GPR55: variants seen among roughly 807,000 people sequenced by gnomAD.
The protein encoded by GPR55 is G protein-coupled receptor 55, also known as G-protein coupled receptor 55.
A neutral mutation model predicts 7.9 loss-of-function variants in GPR55; 6 were observed. The observed-to-expected ratio is 0.76, with a 90% CI of 0.41 to 1.49. GPR55 has a LOEUF of 1.49. Ranked by LOEUF, GPR55 falls within the 40% of genes most tolerant of loss-of-function variation. The pLI, the probability that GPR55 is intolerant of heterozygous loss-of-function variation, is 0.01. For synonymous variants in GPR55, 183 were observed against 166.8 expected (o/e 1.10, Z -0.75); for missense variants, 376 against 406.0 (o/e 0.93, Z 0.63).
At chr2:230,939,134 G>A (rs1356387365) in intron 1 of GPR55, among the ~76,000 whole-genome samples, 1 of 152,218 alleles carries the variant, frequency 6.6e-6, no homozygotes, top group Non-Finnish European at 1.5e-5. Context: ...CAGCCCTGGG[G>A]CCTAGGCTGA....
chr2:230,941,750 C>T (rs757297784), intron 1 of GPR55, among the ~76,000 whole-genome samples: 3 of 152,350 alleles, frequency 2.0e-5, no homozygotes, highest in East Asian at 1.9e-4. Context: ...CAGCTCAACT[C>T]GGGGTCCCCT....
upstream of GPR55, among the ~76,000 whole-genome samples, chr2:230,926,986 C>T (rs796596811): frequency 1.6e-4 from 24 of 152,250 alleles, no homozygotes; most frequent in Middle Eastern, 3.4e-3. Flanking sequence ...CCACCGCTCC[C>T]GGCCCTGGCT....
At chr2:230,915,568 G>A (rs987769627) in intron 1 of GPR55, among the ~76,000 whole-genome samples, 1 of 152,146 alleles carries the variant, frequency 6.6e-6, no homozygotes, top group Non-Finnish European at 1.5e-5. Context: ...GAGAGGTGGG[G>A]CTGAATTGAA....
chr2:230,957,562 G>T (rs919341407), intron 1 of GPR55: 2 of 394,348 alleles, frequency 5.1e-6, no homozygotes, highest in Non-Finnish European at 1.0e-5. Flanking sequence ...CGCCGGCGGT[G>T]CTGGGCGGGT....
intron 1 of GPR55, among the ~76,000 whole-genome samples, chr2:230,955,705 G>T (rs967443155): frequency 4.1e-5 from 5 of 122,066 alleles, no homozygotes; most frequent in Non-Finnish European, 8.0e-5. Flanking sequence ...GATTATGCCA[G>T]TGTCTTTTTG....
At chr2:230,946,383 C>T in intron 1 of GPR55, among the ~76,000 whole-genome samples, 1 of 152,126 alleles carries the variant, frequency 6.6e-6, no homozygotes, top group East Asian at 1.9e-4. Context: ...CACACACACA[C>T]AAAAAAGATA....
chr2:230,958,482 T>C (rs994745681), intron 1 of GPR55, among the ~76,000 whole-genome samples: 3 of 152,158 alleles, frequency 2.0e-5, no homozygotes, highest in Non-Finnish European at 4.4e-5. Flanking sequence ...AAAGTAGGTC[T>C]TATTCATTCT....
rs1690885168 is a variant in GPR55 at position 230,923,578 on chromosome 2, T to C, written c.-135+1590A>G. The stretch of plus-strand genomic sequence containing the variant: ...ACATGACCACAATCTCCCCAATGCC[T>C]GAATGTTGCTGGAGCTTGGGCTGGG... On this transcript the variant is annotated intron_variant, in intron 1 of 1. Coordinates refer to ENST00000650999, the MANE Select transcript of GPR55 (RefSeq NM_005683.4). The surrounding 1 kb of genome is among the most constrained non-coding windows in gnomAD (Gnocchi z 4.1). Among the ~76,000 whole-genome samples the C allele has an allele frequency of 6.7e-6, 1 of 148,970 alleles. No individual in the cohort carries two copies. The highest frequency in any genetic ancestry group is 2.5e-5 in the African/African-American group (1 of 40,028).
At chr2:230,930,640 T>C (rs1691021059) in intron 1 of GPR55, among the ~76,000 whole-genome samples, 1 of 151,970 alleles carries the variant, frequency 6.6e-6, no homozygotes, top group South Asian at 2.1e-4. Flanking sequence ...TGGTACAAAA[T>C]ACAAAGGCAT....
At chr2:230,920,182 T>TG (rs1334673964) in intron 1 of GPR55, among the ~76,000 whole-genome samples, 1 of 151,866 alleles carries the variant, frequency 6.6e-6, no homozygotes, top group East Asian at 1.9e-4. Flanking sequence ...TAATGCTTGG[T>TG]GGGGAAAAAG....
At chr2:230,937,819 A>T (rs1450260640) in intron 1 of GPR55, among the ~76,000 whole-genome samples, 3 of 152,112 alleles carry the variant, frequency 2.0e-5, no homozygotes, top group African/African-American at 7.2e-5. Context: ...TGCCACAACC[A>T]CCAAACAGAA....
At chr2:230,911,178 A>C in intron 1 of GPR55, 82 bp from the exon 2 acceptor site, 1 of 554,794 alleles carries the variant, frequency 1.8e-6, no homozygotes, top group Non-Finnish European at 3.3e-6. Flanking sequence ...ATCATTCCAG[A>C]CTCGCTTTCT....
intron 1 of GPR55, among the ~76,000 whole-genome samples, chr2:230,952,163 C>G (rs1691414479): frequency 6.6e-6 from 1 of 152,180 alleles, no homozygotes; most frequent in Non-Finnish European, 1.5e-5. Flanking sequence ...TGGGCAAACC[C>G]TCCTGCAGGC....
intron 1 of GPR55, among the ~76,000 whole-genome samples, chr2:230,951,203 C>T (rs1691396911): frequency 6.6e-6 from 1 of 152,068 alleles, no homozygotes; most frequent in Admixed American, 6.5e-5. Context: ...GGGACTGAGC[C>T]CTCAACCTGT....
upstream of GPR55, among the ~76,000 whole-genome samples, chr2:230,930,113 C>T (rs1181785854): frequency 6.6e-6 from 1 of 152,246 alleles, no homozygotes; most frequent in Non-Finnish European, 1.5e-5. Context: ...ATTCTGCTCA[C>T]CTCTGAGTAC....
At chr2:230,951,065 C>T (rs1691395468) in intron 1 of GPR55, among the ~76,000 whole-genome samples, 1 of 152,080 alleles carries the variant, frequency 6.6e-6, no homozygotes, top group Non-Finnish European at 1.5e-5. Context: ...AATGTGTTTC[C>T]CTGAGTTCTG....
At chr2:230,915,626 G>A (rs1350616396) in intron 1 of GPR55, among the ~76,000 whole-genome samples, 3 of 152,210 alleles carry the variant, frequency 2.0e-5, no homozygotes, top group Admixed American at 2.0e-4. Context: ...CATGTTTCAT[G>A]CAAAAGCTAT....
chr2:230,957,446 C>G (rs1413951748), intron 1 of GPR55: 2 of 294,056 alleles, frequency 6.8e-6, no homozygotes, highest in Non-Finnish European at 1.3e-5. Flanking sequence ...TGGAGCGGGA[C>G]AGCGAGAGAT....
intron 1 of GPR55, among the ~76,000 whole-genome samples, chr2:230,920,091 T>TG (rs1427383469): frequency 6.2e-5 from 7 of 113,616 alleles, no homozygotes; most frequent in African/African-American, 3.7e-4. Flanking sequence ...ATCTCTGTCT[T>TG]TTGTGTGTGT....
Sources: allele counts gnomAD v4.1 joint callset (sites outside exome capture counted in the v4.1 genomes callset), GRCh38; gene constraint gnomAD v4.1.1; non-coding constraint Gnocchi (gnomAD v3.1); transcripts MANE v1.5; gene names NCBI Gene and HGNC (gene_info 2026-07-23, HGNC 2026-07-21).